The following NCOR2 variants were observed in gnomAD, a reference collection of about 807,000 sequenced individuals.
NCOR2 encodes nuclear receptor corepressor 2, also known as CTG repeat protein 26.
A neutral mutation model predicts 262.9 loss-of-function variants in NCOR2; 81 were observed. The ratio of observed to expected loss-of-function variants is 0.31; its 90% CI spans 0.26 to 0.37. The LOEUF (loss-of-function observed/expected upper bound fraction) is 0.37. NCOR2 is among the 10% of genes least tolerant of loss of function. The pLI, the probability that NCOR2 is intolerant of heterozygous loss-of-function variation, is 1.00. For synonymous variants in NCOR2, 1,659 were observed against 1,559.3 expected (o/e 1.06, Z -1.51); for missense variants, 3,385 against 3,621.4 (o/e 0.93, Z 1.68).
intron 8 of NCOR2, among the ~76,000 whole-genome samples, chr12:124,436,008 G>C (rs1467973158): frequency 6.6e-6 from 1 of 152,232 alleles, no homozygotes; most frequent in African/African-American, 2.4e-5. Context: ...ACAGGCACCG[G>C]AAGGGCAGGG....
chr12:124,449,785 G>A (rs2136498969), intron 7 of NCOR2, 30 bp downstream of exon 9: 2 of 1,612,898 alleles, frequency 1.2e-6, no homozygotes, highest in Non-Finnish European at 1.7e-6. Flanking sequence ...CTGCCTCTGT[G>A]TGTCTGCACG....
chr12:124,358,306 T>C (rs951245430), intron 22 of NCOR2, among the ~76,000 whole-genome samples: 13 of 148,572 alleles, frequency 8.7e-5, no homozygotes, highest in Admixed American at 4.0e-4. Context: ...TGCACGTGTA[T>C]GTGCGTGTGT....
chr12:124,541,457 AG>A (rs1447541827), intron 1 of NCOR2, among the ~76,000 whole-genome samples: 1 of 5,794 alleles, frequency 1.7e-4, no homozygotes, highest in African/African-American at 1.2e-3. Flanking sequence ...TGGGGAGTGG[AG>A]AGCTGGAGGG....
At chr12:124,361,813 G>A (rs1051078455) in intron 22 of NCOR2, among the ~76,000 whole-genome samples, 3 of 115,266 alleles carry the variant, frequency 2.6e-5, no homozygotes, top group African/African-American at 8.8e-5. Flanking sequence ...TGAGAAACCA[G>A]GGACCAGGGG....
chr12:124,335,082 C>G (rs1211060330), intron 40 of NCOR2, 53 bp downstream of exon 42: 1 of 1,611,686 alleles, frequency 6.2e-7, no homozygotes, highest in African/African-American at 1.3e-5. Context: ...CTCTCCAGGC[C>G]TGGTGCCCCC....
intron 22 of NCOR2, among the ~76,000 whole-genome samples, chr12:124,359,092 C>T (rs578057267): frequency 1.6e-4 from 25 of 152,312 alleles, no homozygotes; most frequent in Admixed American, 5.9e-4. Context: ...GTAAACTCAG[C>T]GGGGCCCCGG....
chr12:124,334,631 G>T lies in NCOR2; in HGVS notation c.6412-14C>A. The T allele has an allele frequency of 7.3e-7, 1 of 1,364,008 alleles. No individual in the cohort carries two copies. The highest frequency in any genetic ancestry group is 9.4e-7 in the Non-Finnish European group (1 of 1,060,104). The allele number at this position is 1,364,008 out of a possible 1,614,324, so 84.5% of individuals were successfully genotyped here. A position where few individuals can be genotyped will look rare whatever the true frequency, so the allele number is the denominator to read the frequency against. Reference sequence around the variant, plus strand: ...TGTGATGACCTCCTGCAGGCAAGTGGGGGGGCCCAGAGTCAGGCAGCACTC... The same window carrying T: ...TGTGATGACCTCCTGCAGGCAAGTGTGGGGGCCCAGAGTCAGGCAGCACTC... On this transcript the variant is annotated splice_polypyrimidine_tract_variant and intron_variant, in intron 40 of 46. Coordinates refer to ENST00000405201, the Ensembl canonical transcript of NCOR2.
intron 23 of NCOR2, among the ~76,000 whole-genome samples, chr12:124,356,391 C>A (rs1184446581): frequency 1.3e-5 from 2 of 152,212 alleles, no homozygotes; most frequent in African/African-American, 4.8e-5. Flanking sequence ...AAACATAGCT[C>A]CCACTCTAAG....
rs1243886 is a variant in NCOR2, at chr12:124,457,529, A to G, written c.706-367T>C. ...TGCCAGCCCTGAGATGCCTTCCCTC[A>G]CCCTGGAAGCTGGTTGGGTTGTCTA... On this transcript the variant is annotated intron_variant, in intron 5 of 46. Coordinates refer to ENST00000405201, the Ensembl canonical transcript of NCOR2. The surrounding 1 kb of genome is among the most constrained non-coding windows in gnomAD (Gnocchi z 4.0). Among the ~76,000 whole-genome samples, 152,170 of 152,332 alleles carry G rather than the reference A, an allele frequency of 1. 76,005 individuals are homozygous for G. The highest frequency in any genetic ancestry group is 1 in the East Asian group (5,164 of 5,164).
At chr12:124,490,625 G>GA (rs1374198916) in intron 1 of NCOR2, among the ~76,000 whole-genome samples, 2 of 148,280 alleles carry the variant, frequency 1.3e-5, no homozygotes, top group Admixed American at 1.3e-4. Context: ...CTAATGGAGA[G>GA]ACCCCCCCCA....
chr12:124,442,942 C>T (rs996762022), intron 7 of NCOR2, among the ~76,000 whole-genome samples: 15 of 152,136 alleles, frequency 9.9e-5, no homozygotes, highest in Non-Finnish European at 1.3e-4. Context: ...ATACAAAAGA[C>T]GGGAGTGACG....
rs554561410 is a variant in NCOR2, at chr12:124,401,405, T to C, written c.1641-732A>G. Among the ~76,000 whole-genome samples, 20 of 152,282 alleles carry C rather than the reference T, an allele frequency of 1.3e-4. No homozygotes were observed. In the South Asian group the frequency reaches 3.9e-3, roughly 30 times the overall value. On this transcript the variant is annotated intron_variant, in intron 14 of 46. Transcript: ENST00000405201. ...CTGCAAGACCATTTTATGCACCAAATAGAGAGATACTGTCTGCAAGACTAT... is the reference window on the plus strand; with the variant it reads ...CTGCAAGACCATTTTATGCACCAAACAGAGAGATACTGTCTGCAAGACTAT...
At chr12:124,341,535 C>T (rs2036459375) in intron 34 of NCOR2, among the ~76,000 whole-genome samples, 1 of 152,244 alleles carries the variant, frequency 6.6e-6, no homozygotes, top group African/African-American at 2.4e-5. Flanking sequence ...CTGTGCCCGG[C>T]CACATTTTGA....
At position 124,483,682 on chromosome 12, in the gene NCOR2, G is replaced by A. The variant is rs2047620389; in HGVS notation, c.325C>T (p.Arg109Trp). Residue 109 changes from arginine to tryptophan, a missense_variant, in exon 3 of 47, where the codon CGG becomes TGG. Arg to Trp is a moderately radical substitution (Grantham distance 101). Around this residue, in one of 5 missense-constraint regions of NCOR2, gnomAD observed 237 missense variants for 229.4 expected, o/e 1.03. Coordinates refer to ENST00000405201, the Ensembl canonical transcript of NCOR2. The surrounding 1 kb of genome is among the most constrained non-coding windows in gnomAD (Gnocchi z 6.3). ...AGGGGGTCAGGCAGCAGCTCTAGCCGAGGGCGCTTGCTTTCAATGAACTCC... is the reference window on the plus strand; with the variant it reads ...AGGGGGTCAGGCAGCAGCTCTAGCCAAGGGCGCTTGCTTTCAATGAACTCC... 5 of 1,611,834 alleles carry A rather than the reference G, an allele frequency of 3.1e-6. No individual in the cohort carries two copies. Among genetic ancestry groups the A allele is most frequent in the Admixed American group, 1.7e-5 (1 of 59,698 alleles).
rs905045453 is a variant in NCOR2, at chr12:124,504,274, C to T, written c.-117-8906G>A. On this transcript the variant is annotated intron_variant, in intron 1 of 46. Coordinates refer to the NCOR2 transcript ENST00000404621. This position sits in a 1 kb window ranked among gnomAD's most constrained non-coding sequence, Gnocchi z 4.5. ...GAAAGCTGGGGTGCCCGGAGCGTCT[C>T]GTCAGGTCCCAGACTTGCTCCCTCT... is the stretch of plus-strand genomic sequence containing the variant. 3.9e-5 allele frequency among the ~76,000 whole-genome samples: 6 copies of T among 152,204 alleles called. No individual in the cohort carries two copies. Among genetic ancestry groups the T allele is most frequent in the African/African-American group, 1.2e-4 (5 of 41,438 alleles).
intron 45 of NCOR2, among the ~76,000 whole-genome samples, chr12:124,327,047 T>C (rs1345462111): frequency 1.3e-5 from 2 of 151,872 alleles, no homozygotes; most frequent in African/African-American, 4.8e-5. Flanking sequence ...ACAGTGTGGG[T>C]GGGGCTTCAC....
chr12:124,543,565 G>A (rs114932740), intron 1 of NCOR2, among the ~76,000 whole-genome samples: 5,362 of 152,312 alleles, frequency 0.035, 118 homozygotes, highest in Admixed American at 0.06. Flanking sequence ...GATTTAGCAG[G>A]GACTAGGCTT....
At chr12:124,403,216 G>A (rs1018046459) in intron 13 of NCOR2, among the ~76,000 whole-genome samples, 18 of 152,168 alleles carry the variant, frequency 1.2e-4, no homozygotes, top group Non-Finnish European at 2.6e-4. Flanking sequence ...CCAGAGCCCA[G>A]GAAGGCCCCA....
intron 1 of NCOR2, among the ~76,000 whole-genome samples, chr12:124,563,253 G>C (rs533342624): frequency 3.2e-4 from 48 of 152,316 alleles, no homozygotes; most frequent in Non-Finnish European, 4.9e-4. Flanking sequence ...CTCCGAGATT[G>C]TCCTCTAATA....
Sources: allele counts gnomAD v4.1 joint callset (sites outside exome capture counted in the v4.1 genomes callset), GRCh38; gene constraint gnomAD v4.1.1; regional missense constraint gnomAD v4.1.1; non-coding constraint Gnocchi (gnomAD v3.1); transcripts MANE v1.5; gene names NCBI Gene and HGNC (gene_info 2026-07-23, HGNC 2026-07-21).